The following POLR3A variants were observed in gnomAD, a reference collection of about 807,000 sequenced individuals.
POLR3A encodes DNA-directed RNA polymerase III subunit RPC1.
A neutral mutation model predicts 152.8 loss-of-function variants in POLR3A; 112 were observed. The observed-to-expected ratio is 0.73, with a 90% confidence interval of 0.63 to 0.86. The LOEUF (loss-of-function observed/expected upper bound fraction) is 0.86, where lower values mean the gene tolerates loss of function less well. POLR3A is among the 40% of genes least tolerant of loss of function. The pLI, the probability that POLR3A is intolerant of heterozygous loss-of-function variation, is 0.00. For synonymous variants in POLR3A, 615 were observed against 652.1 expected, an observed-to-expected ratio of 0.94 and a Z score of 0.87; for missense variants, 1,385 against 1,743.1, an observed-to-expected ratio of 0.79 and a Z score of 3.66.
rs534075293 is a variant in POLR3A, at chr10:77,995,615, C to G, written c.2617-2248G>C. On this transcript the variant is annotated intron_variant, in intron 19 of 30. Transcript: ENST00000372371. ...CAATTCAACAAGAAGAGCTAACTAT[C>G]CTAAATATATATGCACCCAATACAG... Among the ~76,000 whole-genome samples the G allele has an allele frequency of 8.6e-3, 1,309 of 152,112 alleles. 11 individuals are homozygous for G. Among genetic ancestry groups the G allele is most frequent in the African/African-American group, 0.03 (1,236 of 41,492 alleles).
chr10:77,983,442 T>A (rs1273376786), intron 26 of POLR3A, among the ~76,000 whole-genome samples: 1 of 152,198 alleles, frequency 6.6e-6, no homozygotes, highest in African/African-American at 2.4e-5. Context: ...CCCAAGTTGG[T>A]CTGTTTGTGA....
intron 4 of POLR3A, 103 bp downstream of exon 4, chr10:78,024,868 A>G (rs1306810359): frequency 6.8e-7 from 1 of 1,475,820 alleles, no homozygotes; most frequent in African/African-American, 1.4e-5. Context: ...CCTAATTTAT[A>G]AGGAGAAAAG....
At chr10:78,027,936 T>G (rs1307112349) in intron 1 of POLR3A, among the ~76,000 whole-genome samples, 1 of 152,166 alleles carries the variant, frequency 6.6e-6, no homozygotes, top group African/African-American at 2.4e-5. Flanking sequence ...GAGAATGTAT[T>G]ATATCTGACT....
intron 21 of POLR3A, among the ~76,000 whole-genome samples, chr10:77,990,026 T>G (rs1453275503): frequency 1.3e-5 from 2 of 152,214 alleles, no homozygotes; most frequent in African/African-American, 4.8e-5. Flanking sequence ...CTTCACTCGC[T>G]GTTTTTATTT....
rs374888584 is a variant in POLR3A at position 78,021,951 on chromosome 10, G to A, written c.957C>T (p.Leu319=). The part of the protein sequence containing the change: ...DWDFLQLQCA[L]YINSELSGIP... ...TGCCCGAGAGCTCACTGTTAATGTA[G>A]AGGGCACACTGCAGCTGCAGGAAAT... is the stretch of plus-strand genomic sequence containing the variant. The change falls in exon 7 of 31, where the codon CTC becomes CTT. Residue 319 remains leucine, a synonymous_variant. Coordinates refer to ENST00000372371, the MANE Select transcript of POLR3A (RefSeq NM_007055.4). The A allele has an allele frequency of 2.5e-6, 4 of 1,614,034 alleles. No individual in the cohort carries two copies. The highest frequency in any genetic ancestry group is 3.4e-6 in the Non-Finnish European group (4 of 1,180,012).
rs928512488 is a variant in POLR3A at position 78,009,546 on chromosome 10, T to C, written c.1900A>G (p.Asn634Asp). Residue 634 changes from asparagine (N) to aspartate (D), a missense_variant, in exon 14 of 31, where the codon AAT (asparagine) becomes GAT (aspartate). By Grantham distance (23) the Asn-to-Asp change is conservative. Transcript: ENST00000372371. ...AGTTCCGTCCACTCACAGGAATCAT[T>C]GGCACAGAGATCTTCCCCTTTGCCA... ...YCGKGEDLCA[N>D]DSYVTIQNSE... 7 of 1,614,118 alleles carry C rather than the reference T, an allele frequency of 4.3e-6. No individual in the cohort carries two copies. The Admixed American group carries it at 6.7e-5, about 15-fold the overall frequency.
rs1307896663 is a variant in POLR3A at position 78,021,571 on chromosome 10, G to C, written c.1160C>G (p.Ala387Gly). The C allele has an allele frequency of 6.2e-7, 1 of 1,614,044 alleles. No homozygotes were observed. Among genetic ancestry groups the C allele is most frequent in the Non-Finnish European group, 8.5e-7 (1 of 1,179,960 alleles). Reference sequence around the variant, plus strand: ...CTTCTCAGGAAAAGTTAGAATTTTGGCCACATGAACTGGCACAGCTACCTC... The same window carrying C: ...CTTCTCAGGAAAAGTTAGAATTTTGCCCACATGAACTGGCACAGCTACCTC... The part of the protein sequence containing the change: ...IDEVAVPVHV[A>G]KILTFPEKVN... Residue 387 changes from alanine to glycine, a missense_variant, in exon 8 of 31, where the codon GCC becomes GGC. Physicochemically the swap from Ala to Gly is moderately conservative, Grantham distance 60. This residue lies in a region of POLR3A where 493 missense variants were observed against 647.5 expected (regional missense o/e 0.76). Coordinates refer to ENST00000372371, the MANE Select transcript of POLR3A (RefSeq NM_007055.4).
intron 30 of POLR3A, 67 bp from the exon 31 acceptor site, chr10:77,977,693 T>A: frequency 7.2e-7 from 1 of 1,395,718 alleles, no homozygotes; most frequent in African/African-American, 1.4e-5. Flanking sequence ...GAAGAAAGAC[T>A]ATTGGCTTAA....
At position 78,027,960 on chromosome 10, in the gene POLR3A, C is replaced by T. The variant is rs79792740; in HGVS notation, c.44+1404G>A. On this transcript the variant is annotated intron_variant, in intron 1 of 30. Transcript: ENST00000372371. ...TTATATCTGACTGGGCGCAGGTGTA[C>T]AGGTGGGTGTGAAGGGCCAGTGTCG... 4.2e-3 allele frequency among the ~76,000 whole-genome samples: 632 copies of T among 152,254 alleles called. 2 individuals are homozygous for T. The highest frequency in any genetic ancestry group is 0.014 in the African/African-American group (602 of 41,542).
intron 21 of POLR3A, among the ~76,000 whole-genome samples, chr10:77,989,847 T>C (rs1204843587): frequency 2.0e-5 from 3 of 151,000 alleles, no homozygotes; most frequent in Non-Finnish European, 4.4e-5. Context: ...ATTTGTTAGT[T>C]AAAAAAAAAG....
At chr10:77,991,712 A>G (rs777813091) in intron 20 of POLR3A, among the ~76,000 whole-genome samples, 4 of 152,088 alleles carry the variant, frequency 2.6e-5, no homozygotes, top group Non-Finnish European at 5.9e-5. Flanking sequence ...TTTAGTAGAG[A>G]CGGGGTTTCA....
chr10:78,014,042 A>G (rs959120902), intron 10 of POLR3A, among the ~76,000 whole-genome samples: 1 of 152,126 alleles, frequency 6.6e-6, no homozygotes, highest in Non-Finnish European at 1.5e-5. Context: ...CTATAATCCC[A>G]GTAACTTGGG....
chr10:78,026,061 A>G (rs1564624203), intron 2 of POLR3A, 33 bp downstream of exon 2: 1 of 1,613,198 alleles, frequency 6.2e-7, no homozygotes, highest in African/African-American at 1.3e-5. Context: ...GCAGGGCAAG[A>G]CACAGTTACC....
At chr10:77,987,457 C>T (rs748888324) in intron 21 of POLR3A, among the ~76,000 whole-genome samples, 8 of 152,004 alleles carry the variant, frequency 5.3e-5, no homozygotes, top group Admixed American at 1.3e-4. Context: ...GGGCAGACTG[C>T]GTACTGTGGT....
chr10:77,996,802 A>T (rs1458109324), intron 19 of POLR3A, among the ~76,000 whole-genome samples: 1 of 152,196 alleles, frequency 6.6e-6, no homozygotes, highest in African/African-American at 2.4e-5. Flanking sequence ...ATCCTCCCTA[A>T]CTCATTTTAT....
chr10:78,024,371 A>G (rs1278500181), intron 5 of POLR3A, among the ~76,000 whole-genome samples, 178 bp downstream of exon 5: 1 of 99,846 alleles, frequency 1.0e-5, no homozygotes, highest in Non-Finnish European at 1.8e-5. Context: ...CTTCCATCTC[A>G]AAAAAAAAAA....
At chr10:78,011,500 G>T (rs904762359) in intron 11 of POLR3A, among the ~76,000 whole-genome samples, 1 of 152,226 alleles carries the variant, frequency 6.6e-6, no homozygotes, top group South Asian at 2.1e-4. Flanking sequence ...AGAAAGCAGG[G>T]TCCTCTCAGA....
In POLR3A at chr10:78,013,557, C is replaced by A. The variant is rs769499692; in HGVS notation, c.1572+93G>T. 7.2e-4 allele frequency: 927 copies of A among 1,282,602 alleles called. 3 individuals carry two copies. The highest frequency in any genetic ancestry group is 1.0e-3 in the Middle Eastern group (4 of 3,942). 79.5% of individuals were successfully genotyped at this position (1,282,602 alleles called of 1,614,324 possible). On this transcript the variant is annotated intron_variant, in intron 11 of 30. Coordinates refer to ENST00000372371, the MANE Select transcript of POLR3A (RefSeq NM_007055.4). ...AACAGAAAGAGCCTGGCTTCTTTGG[C>A]GTTGTTAGTTGTGGTGGTGTTTTCA...
intron 11 of POLR3A, among the ~76,000 whole-genome samples, chr10:78,011,008 CTAAGTT>C (rs1240271292): frequency 6.6e-6 from 1 of 152,118 alleles, no homozygotes; most frequent in African/African-American, 2.4e-5. Flanking sequence ...TCATGCCCAG[CTAAGTT>C]TTTGCATTTT....
Sources: gnomAD v4.1 joint callset for allele counts (sites outside exome capture counted in the v4.1 genomes callset) on GRCh38, gnomAD v4.1.1 for gene constraint, gnomAD v4.1.1 regional missense constraint, MANE v1.5 for transcripts, NCBI Gene and HGNC (gene_info 2026-07-23, HGNC 2026-07-21) for gene names.